Variants in NFAT5 observed in about 807,000 individuals in gnomAD.
NFAT5 encodes the protein nuclear factor of activated T-cells 5.
NFAT5 carries 31 observed loss-of-function variants against 166.5 expected under a neutral mutation model. The observed-to-expected ratio is 0.19, with a 90% CI of 0.14 to 0.25. The LOEUF is 0.25. Ranked by LOEUF, NFAT5 falls within the 10% of genes least tolerant of loss-of-function variation. The pLI, the probability that NFAT5 is intolerant of heterozygous loss-of-function variation, is 1.00. For missense variants in NFAT5, 1,449 were observed against 1,821.8 expected, an observed-to-expected ratio of 0.80 and a Z score of 3.72; for synonymous variants, 612 against 639.7, an observed-to-expected ratio of 0.96 and a Z score of 0.65.
intron 3 of NFAT5, among the ~76,000 whole-genome samples, chr16:69,637,091 C>G (rs1296407183): frequency 2.0e-5 from 3 of 152,174 alleles, no homozygotes; most frequent in Non-Finnish European, 4.4e-5. Flanking sequence ...AATCATCCCT[C>G]TCAAGTTCAA....
At chr16:69,628,171 T>C (rs1338592839) in intron 3 of NFAT5, among the ~76,000 whole-genome samples, 1 of 151,602 alleles carries the variant, frequency 6.6e-6, no homozygotes, top group Non-Finnish European at 1.5e-5. Context: ...GAAATTCTTA[T>C]ATATATAAAA....
At chr16:69,641,416 T>G (rs1165779472) in intron 3 of NFAT5, among the ~76,000 whole-genome samples, 1 of 152,172 alleles carries the variant, frequency 6.6e-6, no homozygotes, top group Non-Finnish European at 1.5e-5. Flanking sequence ...TTATGGCTTT[T>G]TTTAAACTAG....
rs1290930579 is a variant in NFAT5 at position 69,647,486 on chromosome 16, T to A, written c.712T>A (p.Ser238Thr). The A allele has an allele frequency of 6.2e-7, 1 of 1,612,834 alleles. No individual in the cohort carries two copies. The highest frequency in any genetic ancestry group is 1.7e-5 in the Admixed American group (1 of 60,018). Reference protein sequence around the residue: ...PGVKRRDCEESNMDIFDADSA... With the variant: ...PGVKRRDCEETNMDIFDADSA... ...GGTCAAACGACGAGATTGTGAAGAATCTAATATGGATATATTTGATGCCGA... is the reference window on the plus strand; with the variant it reads ...GGTCAAACGACGAGATTGTGAAGAAACTAATATGGATATATTTGATGCCGA... The change falls in exon 4 of 15, where the codon TCT becomes ACT. Residue 238 changes from serine (S) to threonine (T), a missense_variant. Coordinates refer to ENST00000349945, the MANE Select transcript of NFAT5 (RefSeq NM_138713.4). This position sits in a 1 kb window ranked among gnomAD's most constrained non-coding sequence, Gnocchi z 4.8.
intron 2 of NFAT5, among the ~76,000 whole-genome samples, chr16:69,570,337 C>G (rs2016356902): frequency 6.6e-6 from 1 of 152,016 alleles, no homozygotes; most frequent in African/African-American, 2.4e-5. Flanking sequence ...TCTGTGCCAC[C>G]TCATTGCTAT....
Position 69,703,041 on chromosome 16 carries a change from G to A in NFAT5, c.*6690G>A, listed in dbSNP as rs1006782406. On this transcript the variant is annotated 3_prime_UTR_variant, in exon 15 of 15. Transcript: ENST00000349945. The stretch of plus-strand genomic sequence containing the variant: ...ATTTAAGTAGCTAATATAATTGACC[G>A]GTGCTAAAGTCTCCTGTTTATCCAT... 20 of 152,460 alleles carry A rather than the reference G, an allele frequency of 1.3e-4. No individual in the cohort carries two copies. The highest frequency in any genetic ancestry group is 4.1e-4 in the African/African-American group (17 of 41,376). The allele number at this position is 152,460 out of a possible 1,614,324, so 9.4% of individuals were successfully genotyped here. A position where few individuals can be genotyped will look rare whatever the true frequency, so the allele number is the denominator to read the frequency against.
chr16:69,668,689 T>A (rs528520334), intron 7 of NFAT5, among the ~76,000 whole-genome samples: 1 of 152,022 alleles, frequency 6.6e-6, no homozygotes, highest in African/African-American at 2.4e-5. Flanking sequence ...TTATTTTTAT[T>A]TTTTTTTGAG....
At chr16:69,657,990 C>T (rs1213299761) in intron 6 of NFAT5, among the ~76,000 whole-genome samples, 1 of 106,496 alleles carries the variant, frequency 9.4e-6, no homozygotes, top group Admixed American at 8.1e-5. Flanking sequence ...GAGGCTGAGG[C>T]AGGAGAATGG....
intron 1 of NFAT5, among the ~76,000 whole-genome samples, chr16:69,567,795 AAG>A (rs1351570151): frequency 6.6e-6 from 1 of 152,224 alleles, no homozygotes; most frequent in Non-Finnish European, 1.5e-5. Context: ...TCAAAAAAAA[AAG>A]AGACATATCA....
intron 2 of NFAT5, among the ~76,000 whole-genome samples, chr16:69,592,382 A>T (rs1294742522): frequency 6.6e-6 from 1 of 152,122 alleles, no homozygotes; most frequent in African/African-American, 2.4e-5. Context: ...CTCAATGGTA[A>T]CTACTTTTTA....
chr16:69,648,701 A>G (rs1415021813), intron 4 of NFAT5: 8 of 969,602 alleles, frequency 8.3e-6, no homozygotes, highest in African/African-American at 1.8e-5. Flanking sequence ...TGTATAGTAC[A>G]TTCAAAATAA....
chr16:69,693,055 A>T lies in NFAT5; in HGVS notation c.3230A>T (p.Asn1077Ile). The T allele has an allele frequency of 3.7e-6, 6 of 1,613,976 alleles. No individual in the cohort carries two copies. The highest frequency in any genetic ancestry group is 5.1e-6 in the Non-Finnish European group (6 of 1,180,030). ...GAGATGATGTCACTTCAATCTGGAA[A>T]TTTTTTGCAGCAGTCTTCTCATTCA... The part of the protein sequence containing the change: ...GNEMMSLQSG[N>I]FLQQSSHSQA... Residue 1077 changes from asparagine (N) to isoleucine (I), a missense_variant, in exon 13 of 15, where the codon AAT becomes ATT. Coordinates refer to ENST00000349945, the MANE Select transcript of NFAT5 (RefSeq NM_138713.4).
rs756590842 is a variant in NFAT5, at chr16:69,692,004, A to G, written c.2179A>G (p.Thr727Ala). 1.9e-6 allele frequency: 3 copies of G among 1,614,200 alleles called. No homozygotes were observed. The highest frequency in any genetic ancestry group is 1.7e-5 in the Admixed American group (1 of 60,028). ...PNSDALLQQATQFQTRETQSR... is the reference protein window; with the variant it reads ...PNSDALLQQAAQFQTRETQSR... ...CAGCGATGCACTATTGCAGCAGGCTACACAGTTTCAGACAAGAGAAACTCA... is the reference window on the plus strand; with the variant it reads ...CAGCGATGCACTATTGCAGCAGGCTGCACAGTTTCAGACAAGAGAAACTCA... Residue 727 changes from threonine (T) to alanine (A), a missense_variant, in exon 13 of 15, where the codon ACA (threonine) becomes GCA (alanine). Coordinates refer to ENST00000349945, the MANE Select transcript of NFAT5 (RefSeq NM_138713.4).
intron 2 of NFAT5, among the ~76,000 whole-genome samples, chr16:69,613,425 C>G (rs1042291200): frequency 6.6e-6 from 1 of 152,114 alleles, no homozygotes; most frequent in Admixed American, 6.6e-5. Context: ...GGGATAAAAC[C>G]CTTACTGCTT....
chr16:69,617,288 TA>T (rs1248929376), intron 2 of NFAT5, among the ~76,000 whole-genome samples: 3 of 152,116 alleles, frequency 2.0e-5, no homozygotes, highest in Non-Finnish European at 2.9e-5. Flanking sequence ...GTAAGATATC[TA>T]AAAATTATAA....
chr16:69,568,346 A>ATATG (rs1190306661), intron 1 of NFAT5, 149 bp from the exon 2 acceptor site: 169 of 180,636 alleles, frequency 9.4e-4, no homozygotes, highest in Admixed American at 3.0e-3. Context: ...ATATATATAT[A>ATATG]TGTGTGTGTG....
In NFAT5 at chr16:69,635,426, G is replaced by A. The variant is rs573476358; in HGVS notation, c.253+8898G>A. Among the ~76,000 whole-genome samples the A allele has an allele frequency of 1.8e-4, 27 of 151,654 alleles. 1 individual carries two copies. In the South Asian group the frequency reaches 3.1e-3, roughly 18 times the overall value. On this transcript the variant is annotated intron_variant, in intron 3 of 14. Coordinates refer to ENST00000349945, the MANE Select transcript of NFAT5 (RefSeq NM_138713.4). ...ATTTTTGGTCTTATTTTGAAGTTTCGCACACCAGTCAAGATGTATATATAT... is the reference window on the plus strand; with the variant it reads ...ATTTTTGGTCTTATTTTGAAGTTTCACACACCAGTCAAGATGTATATATAT...
At chr16:69,678,153 C>T (rs1198235609) in intron 10 of NFAT5, among the ~76,000 whole-genome samples, 1 of 151,284 alleles carries the variant, frequency 6.6e-6, no homozygotes, top group Non-Finnish European at 1.5e-5. Context: ...GCGAGACTGT[C>T]TCAAAGACAG....
At chr16:69,652,755 T>G (rs1567576984) in intron 4 of NFAT5, among the ~76,000 whole-genome samples, 1 of 122,966 alleles carries the variant, frequency 8.1e-6, no homozygotes, top group Non-Finnish European at 1.7e-5. Context: ...GGTTTGTTTT[T>G]TGTTTTCGCT....
intron 9 of NFAT5, among the ~76,000 whole-genome samples, chr16:69,676,441 A>T (rs945857262): frequency 6.6e-6 from 1 of 152,240 alleles, no homozygotes; most frequent in Non-Finnish European, 1.5e-5. Context: ...AGCGAACTGC[A>T]TTGTGAAATA....
Sources: gnomAD v4.1 joint callset for allele counts (sites outside exome capture counted in the v4.1 genomes callset) on GRCh38, gnomAD v4.1.1 for gene constraint, Gnocchi (gnomAD v3.1) non-coding constraint, MANE v1.5 for transcripts, NCBI Gene and HGNC (gene_info 2026-07-23, HGNC 2026-07-21) for gene names.